TMTC2: variants seen among roughly 807,000 people sequenced by gnomAD.
TMTC2 encodes protein O-mannosyl-transferase TMTC2.
In TMTC2, 43 loss-of-function variants were observed where a neutral mutation model predicts 82.4. The observed-to-expected ratio is 0.52, with a 90% CI of 0.41 to 0.67. The LOEUF (loss-of-function observed/expected upper bound fraction) is 0.67. Ranked by LOEUF, TMTC2 falls within the 30% of genes least tolerant of loss-of-function variation. The probability of loss-of-function intolerance (pLI) is 0.00; values close to 1 mark genes in which losing one functional copy is unlikely to be tolerated. For missense variants in TMTC2, 919 were observed against 1,012.4 expected (o/e 0.91, Z 1.25); for synonymous variants, 408 against 381.9 (o/e 1.07, Z -0.80).
intron 1 of TMTC2, chr12:82,759,832 G>A (rs1162626767): frequency 2.6e-5 from 4 of 152,170 alleles, no homozygotes. Flanking sequence ...ATGCCTATGG[G>A]TTAGAAACCC....
chr12:82,857,888 G>T (rs1871340748), intron 2 of TMTC2, among the ~76,000 whole-genome samples: 1 of 152,222 alleles, frequency 6.6e-6, no homozygotes, highest in East Asian at 1.9e-4. Flanking sequence ...TGCACAAATT[G>T]TCTATAATCT....
intron 1 of TMTC2, among the ~76,000 whole-genome samples, chr12:82,723,299 G>T (rs1025381003): frequency 1.3e-5 from 2 of 152,158 alleles, no homozygotes; most frequent in Non-Finnish European, 2.9e-5. Flanking sequence ...AGCTTGAGGT[G>T]TAACAGTTTC....
intron 9 of TMTC2, among the ~76,000 whole-genome samples, chr12:83,033,858 A>G (rs1460795047): frequency 1.4e-5 from 2 of 148,040 alleles, no homozygotes; most frequent in Non-Finnish European, 1.5e-5. Flanking sequence ...GTATATATAT[A>G]TGTGTATGTG....
At chr12:83,052,503 T>C (rs1565870260) in intron 10 of TMTC2, among the ~76,000 whole-genome samples, 1 of 152,106 alleles carries the variant, frequency 6.6e-6, no homozygotes, top group Non-Finnish European at 1.5e-5. Flanking sequence ...TGTGACAAGG[T>C]TAGGTACTGT....
chr12:82,785,371 C>G (rs1327238608), intron 1 of TMTC2, among the ~76,000 whole-genome samples: 1 of 149,506 alleles, frequency 6.7e-6, no homozygotes. Context: ...CCCCCGTCCC[C>G]CCCAAACACA....
At chr12:83,080,712 T>C (rs1380083648) in intron 11 of TMTC2, among the ~76,000 whole-genome samples, 1 of 152,208 alleles carries the variant, frequency 6.6e-6, no homozygotes, top group Non-Finnish European at 1.5e-5. Flanking sequence ...CCCAGGGCAC[T>C]GAGATCACTG....
intron 2 of TMTC2, among the ~76,000 whole-genome samples, chr12:82,891,466 G>A (rs1283180401): frequency 1.3e-5 from 2 of 151,930 alleles, no homozygotes; most frequent in Admixed American, 6.6e-5. Context: ...GCGCCACCAC[G>A]CCTGGCTAAT....
chr12:83,023,156 A>G (rs10862552), intron 8 of TMTC2, among the ~76,000 whole-genome samples: 89,839 of 151,802 alleles, frequency 0.59, 27,099 homozygotes, highest in South Asian at 0.73. Flanking sequence ...ATAGCGTGTC[A>G]TATGAACACC....
At chr12:82,760,770 T>A (rs2470887) in intron 1 of TMTC2, 2 of 282,734 alleles carry the variant, frequency 7.1e-6, no homozygotes, top group Admixed American at 3.7e-5. Flanking sequence ...TCTCATAGGG[T>A]GCAAACCCTG....
At chr12:82,867,447 C>G (rs1207748455) in intron 2 of TMTC2, among the ~76,000 whole-genome samples, 2 of 152,046 alleles carry the variant, frequency 1.3e-5, no homozygotes, top group Non-Finnish European at 2.9e-5. Context: ...GTACAGATAA[C>G]ATGGGGAAAA....
In TMTC2 at chr12:83,102,578, T is replaced by A. The variant is rs552856166; in HGVS notation, c.2332-29632T>A. On this transcript the variant is annotated intron_variant, in intron 11 of 11. Transcript: ENST00000321196. The stretch of plus-strand genomic sequence containing the variant: ...TAAAAAATAAACTGTGGTTTGATAC[T>A]TCTGATAAATAAACTGTGGGTTGTA... 1.7e-3 allele frequency among the ~76,000 whole-genome samples: 259 copies of A among 152,314 alleles called. 1 individual carries two copies. The highest frequency in any genetic ancestry group is 6.8e-3 in the Middle Eastern group (2 of 294).
intron 1 of TMTC2, among the ~76,000 whole-genome samples, chr12:82,778,684 C>G (rs1877722384): frequency 6.6e-6 from 1 of 151,746 alleles, no homozygotes; most frequent in East Asian, 1.9e-4. Flanking sequence ...CCCGTCTCTA[C>G]TAAAAATACA....
chr12:82,693,339 T>C (rs1872654039), intron 1 of TMTC2, among the ~76,000 whole-genome samples: 1 of 152,242 alleles, frequency 6.6e-6, no homozygotes, highest in African/African-American at 2.4e-5. Context: ...TCATGATTGG[T>C]ACTTTGGCCT....
chr12:82,956,897 C>T (rs1877643154), intron 4 of TMTC2, among the ~76,000 whole-genome samples: 1 of 152,148 alleles, frequency 6.6e-6, no homozygotes, highest in Non-Finnish European at 1.5e-5. Flanking sequence ...GAAACAAGTA[C>T]TTTGAGACCT....
At chr12:83,062,665 G>A (rs1882786404) in intron 11 of TMTC2, among the ~76,000 whole-genome samples, 1 of 151,792 alleles carries the variant, frequency 6.6e-6, no homozygotes, top group Admixed American at 6.6e-5. Context: ...CATCTATAGA[G>A]TGCCTGCTTT....
At chr12:83,105,753 C>CT (rs1218699481) in intron 11 of TMTC2, among the ~76,000 whole-genome samples, 1 of 152,168 alleles carries the variant, frequency 6.6e-6, no homozygotes, top group Non-Finnish European at 1.5e-5. Flanking sequence ...TGGTAGTACT[C>CT]TGGCTTTTTG....
chr12:82,907,283 GAAACCCTGTATCTACT>G (rs1874372529), intron 3 of TMTC2, among the ~76,000 whole-genome samples: 1 of 151,860 alleles, frequency 6.6e-6, no homozygotes, highest in Non-Finnish European at 1.5e-5. Context: ...CTAGCATGGT[GAAACCCTGTATCTACT>G]AAAAATACAA....
chr12:83,026,200 A>G (rs1229600255), intron 8 of TMTC2, among the ~76,000 whole-genome samples: 1 of 152,108 alleles, frequency 6.6e-6, no homozygotes, highest in Non-Finnish European at 1.5e-5. Flanking sequence ...CACTCCTTTT[A>G]GGCAATTTCA....
intron 8 of TMTC2, among the ~76,000 whole-genome samples, chr12:82,996,195 G>A (rs1879608320): frequency 6.6e-6 from 1 of 152,190 alleles, no homozygotes; most frequent in East Asian, 1.9e-4. Context: ...AATAGTGACA[G>A]TGGAGTTTAC....
Sources: allele counts gnomAD v4.1 joint callset (sites outside exome capture counted in the v4.1 genomes callset), GRCh38; gene constraint gnomAD v4.1.1; transcripts MANE v1.5; gene names NCBI Gene and HGNC (gene_info 2026-07-23, HGNC 2026-07-21).